The following SCFD2 variants were observed in gnomAD, a reference collection of about 807,000 sequenced individuals.
SCFD2 encodes sec1 family domain-containing protein 2.
A neutral mutation model predicts 58.9 loss-of-function variants in SCFD2; 54 were observed. The ratio of observed to expected loss-of-function variants is 0.92; its 90% CI spans 0.74 to 1.15. SCFD2 has a LOEUF of 1.15. Among genes scored for constraint, SCFD2 ranks in the 50% most tolerant of loss-of-function variants. SCFD2 has a pLI of 0.00. For synonymous variants in SCFD2, 321 were observed against 335.9 expected (o/e 0.96, Z 0.49); for missense variants, 805 against 836.6 (o/e 0.96, Z 0.47).
At chr4:53,269,333 T>TA (rs1731090087) in intron 4 of SCFD2, among the ~76,000 whole-genome samples, 2 of 151,686 alleles carry the variant, frequency 1.3e-5, no homozygotes, top group African/African-American at 4.8e-5. Flanking sequence ...CAAAAAAATT[T>TA]AAAAAAGAAC....
intron 5 of SCFD2, among the ~76,000 whole-genome samples, chr4:53,024,740 G>T (rs1722430333): frequency 6.8e-6 from 1 of 148,124 alleles, no homozygotes. Context: ...TCCAAATAAG[G>T]TTTTCAGCTA....
chr4:53,298,208 G>A (rs1359189739), intron 3 of SCFD2, among the ~76,000 whole-genome samples: 5 of 152,170 alleles, frequency 3.3e-5, no homozygotes, highest in Non-Finnish European at 4.4e-5. Flanking sequence ...AAAGAAAGGG[G>A]TGACAGACGG....
intron 5 of SCFD2, among the ~76,000 whole-genome samples, chr4:53,077,324 T>C (rs1301315432): frequency 1.3e-5 from 2 of 152,228 alleles, no homozygotes; most frequent in Non-Finnish European, 2.9e-5. Flanking sequence ...ACAAGTTTTC[T>C]GGAAAAATCA....
chr4:52,965,770 T>C (rs1233614671), intron 5 of SCFD2, among the ~76,000 whole-genome samples: 1 of 152,212 alleles, frequency 6.6e-6, no homozygotes, highest in Admixed American at 6.5e-5. Context: ...TTGACAGTTG[T>C]TATAGAAGGA....
chr4:53,138,871 C>CCTCCCT (rs1726021471), intron 5 of SCFD2, among the ~76,000 whole-genome samples: 1 of 149,332 alleles, frequency 6.7e-6, no homozygotes, highest in East Asian at 2.0e-4. Flanking sequence ...TCCCCCTCCC[C>CCTCCCT]CTCCCTCTCG....
intron 5 of SCFD2, among the ~76,000 whole-genome samples, chr4:53,032,309 C>A (rs547743498): frequency 6.6e-6 from 1 of 152,222 alleles, no homozygotes; most frequent in South Asian, 2.1e-4. Context: ...TGGAAGGGAA[C>A]AATCGGTACC....
At chr4:53,218,587 A>T (rs868089826) in intron 4 of SCFD2, among the ~76,000 whole-genome samples, 2 of 152,176 alleles carry the variant, frequency 1.3e-5, no homozygotes, top group East Asian at 1.9e-4. Context: ...ATGGGTTTGC[A>T]CTTCCTACTT....
intron 4 of SCFD2, among the ~76,000 whole-genome samples, chr4:53,177,611 C>A (rs1296452002): frequency 1.3e-5 from 2 of 152,162 alleles, no homozygotes; most frequent in South Asian, 2.1e-4. Context: ...GTGATTTCTG[C>A]ATTTCCAACT....
At chr4:52,911,889 G>A (rs999006399) in intron 6 of SCFD2, among the ~76,000 whole-genome samples, 9 of 152,302 alleles carry the variant, frequency 5.9e-5, no homozygotes, top group African/African-American at 1.7e-4. Flanking sequence ...GGGGGCACTC[G>A]AGGGAGACCA....
At chr4:52,922,944 GT>G (rs1352493298) in intron 5 of SCFD2, among the ~76,000 whole-genome samples, 18 of 152,316 alleles carry the variant, frequency 1.2e-4, no homozygotes, top group South Asian at 1.0e-3. Context: ...AAAAGAAATA[GT>G]TTTTAGGGAG....
chr4:52,925,220 T>C (rs1490137525), intron 5 of SCFD2, among the ~76,000 whole-genome samples: 2 of 151,988 alleles, frequency 1.3e-5, no homozygotes, highest in East Asian at 1.9e-4. Context: ...TGTTAAACAC[T>C]ACATTCTGCT....
At chr4:53,214,525 T>A (rs1276980541) in intron 4 of SCFD2, among the ~76,000 whole-genome samples, 4 of 152,112 alleles carry the variant, frequency 2.6e-5, no homozygotes, top group Non-Finnish European at 4.4e-5. Flanking sequence ...TAAATTTGTT[T>A]GAGTTCATTG....
intron 4 of SCFD2, among the ~76,000 whole-genome samples, chr4:53,169,948 T>C (rs951168087): frequency 6.6e-6 from 1 of 152,214 alleles, no homozygotes; most frequent in Admixed American, 6.5e-5. Flanking sequence ...ATCCAGTGCA[T>C]GGCTTGCAAA....
chr4:53,043,091 T>C (rs189155043), intron 5 of SCFD2, among the ~76,000 whole-genome samples: 6 of 152,238 alleles, frequency 3.9e-5, no homozygotes, highest in Admixed American at 1.3e-4. Flanking sequence ...TAAAATCCGA[T>C]TATATTATGT....
intron 5 of SCFD2, among the ~76,000 whole-genome samples, chr4:53,030,202 C>T (rs1318673112): frequency 1.3e-5 from 2 of 151,660 alleles, no homozygotes; most frequent in Admixed American, 6.6e-5. Flanking sequence ...ATATGAATGG[C>T]AAATAAGCAC....
chr4:53,131,579 G>A (rs192462302), intron 5 of SCFD2, among the ~76,000 whole-genome samples: 1 of 152,266 alleles, frequency 6.6e-6, no homozygotes, highest in Non-Finnish European at 1.5e-5. Context: ...AGCATATGAA[G>A]CTAGAACCAT....
At position 52,973,459 on chromosome 4, in the gene SCFD2, A is replaced by T. The variant is rs567557972; in HGVS notation, c.1562-52589T>A. ...TCCTCGACACATACACCCTCCCAAG[A>T]CTAAACCAGGAAGAAGTTGAATCTC... On this transcript the variant is annotated intron_variant, in intron 5 of 8. Coordinates refer to ENST00000401642, the MANE Select transcript of SCFD2 (RefSeq NM_152540.4). 2.5e-3 allele frequency among the ~76,000 whole-genome samples: 375 copies of T among 152,336 alleles called. 2 individuals are homozygous for T. In the South Asian group the frequency reaches 0.046, roughly 19 times the overall value.
chr4:52,940,602 T>G (rs915888232), intron 5 of SCFD2, among the ~76,000 whole-genome samples: 7 of 152,176 alleles, frequency 4.6e-5, no homozygotes, highest in African/African-American at 7.2e-5. Context: ...GAAAGAGGAA[T>G]GTAGCTGAAA....
chr4:53,132,258 G>A (rs771151157), intron 5 of SCFD2, among the ~76,000 whole-genome samples: 1 of 152,156 alleles, frequency 6.6e-6, no homozygotes, highest in Non-Finnish European at 1.5e-5. Flanking sequence ...TGTGCTATGG[G>A]TAACTATTTT....
Sources: gnomAD v4.1 joint callset for allele counts (sites outside exome capture counted in the v4.1 genomes callset) on GRCh38, gnomAD v4.1.1 for gene constraint, MANE v1.5 for transcripts, NCBI Gene and HGNC (gene_info 2026-07-23, HGNC 2026-07-21) for gene names.